Variants in DYRK1A observed in about 807,000 individuals in gnomAD.
DYRK1A encodes dual specificity tyrosine-phosphorylation-regulated kinase 1A.
In DYRK1A, 9 loss-of-function variants were observed where a neutral mutation model predicts 79.7. That is an observed-to-expected ratio of 0.11 (90% CI 0.07 to 0.20). DYRK1A has a LOEUF of 0.20. Ranked by LOEUF, DYRK1A falls within the 10% of genes least tolerant of loss-of-function variation. The pLI, the probability that DYRK1A is intolerant of heterozygous loss-of-function variation, is 1.00. For synonymous variants in DYRK1A, 349 were observed against 329.7 expected, an observed-to-expected ratio of 1.06 and a Z score of -0.63; for missense variants, 622 against 956.0, an observed-to-expected ratio of 0.65 and a Z score of 4.61.
At position 37,515,548 on chromosome 21, in the gene DYRK1A, C is replaced by G. The variant is rs1378356909; in HGVS notation, c.*3017C>G. ...GGAAGGAATACGAATACTCATTCTT[C>G]CTTCCCTAACTCCTCGTACGGGGCC... On this transcript the variant is annotated 3_prime_UTR_variant, in exon 12 of 12. Coordinates refer to ENST00000647188, the MANE Select transcript of DYRK1A (RefSeq NM_001347721.2). 1 of 152,154 alleles carries G rather than the reference C, an allele frequency of 6.6e-6. No individual in the cohort carries two copies. Among genetic ancestry groups the G allele is most frequent in the Non-Finnish European group, 1.5e-5 (1 of 68,022 alleles). 9.4% of individuals were successfully genotyped at this position (152,154 alleles called of 1,614,324 possible). A position where few individuals can be genotyped will look rare whatever the true frequency, so the allele number is the denominator to read the frequency against.
chr21:37,486,772 T>G (rs2052884447), intron 6 of DYRK1A, 158 bp downstream of exon 6: 1 of 642,298 alleles, frequency 1.6e-6, no homozygotes, highest in Admixed American at 4.2e-5. Context: ...AGTGACTTGA[T>G]CTGGTAGTAA....
upstream of DYRK1A, among the ~76,000 whole-genome samples, chr21:37,366,408 G>A (rs1224044719): frequency 2.8e-5 from 4 of 144,826 alleles, no homozygotes; most frequent in East Asian, 8.6e-4. Flanking sequence ...CGGCGCGGGC[G>A]CGGGGCGGGG....
chr21:37,483,671 C>A (rs775427454), intron 5 of DYRK1A, among the ~76,000 whole-genome samples: 2 of 152,072 alleles, frequency 1.3e-5, no homozygotes, highest in Non-Finnish European at 2.9e-5. Context: ...CTGCCTCAAC[C>A]TCCTGGGTTC....
At chr21:37,508,265 G>T (rs1601325362) in intron 11 of DYRK1A, among the ~76,000 whole-genome samples, 2 of 152,268 alleles carry the variant, frequency 1.3e-5, no homozygotes, top group African/African-American at 4.8e-5. Flanking sequence ...CACTAAAGTG[G>T]TCTGTTCTTG....
chr21:37,468,009 T>G (rs889013285), intron 2 of DYRK1A, among the ~76,000 whole-genome samples: 3 of 152,240 alleles, frequency 2.0e-5, no homozygotes, highest in Non-Finnish European at 1.5e-5. Flanking sequence ...ACCACCATTC[T>G]ATAGAGATCA....
intron 1 of DYRK1A, among the ~76,000 whole-genome samples, chr21:37,374,368 G>A (rs1189477487): frequency 6.7e-6 from 1 of 149,290 alleles, no homozygotes; most frequent in Non-Finnish European, 1.5e-5. Context: ...TTGAATTCCT[G>A]TGGATTTGAA....
intron 2 of DYRK1A, among the ~76,000 whole-genome samples, chr21:37,443,117 C>T (rs1428960093): frequency 6.6e-6 from 1 of 152,052 alleles, no homozygotes; most frequent in African/African-American, 2.4e-5. Flanking sequence ...AGCCACTGTC[C>T]GCAACCATAG....
intron 1 of DYRK1A, among the ~76,000 whole-genome samples, chr21:37,389,189 C>CT (rs1242431713): frequency 2.0e-5 from 3 of 151,292 alleles, no homozygotes; most frequent in African/African-American, 7.3e-5. Flanking sequence ...TTACTTTTCT[C>CT]TCTCTCTCTT....
At chr21:37,372,493 T>C (rs964407649) in intron 1 of DYRK1A, among the ~76,000 whole-genome samples, 10 of 151,674 alleles carry the variant, frequency 6.6e-5, no homozygotes, top group Non-Finnish European at 1.5e-4. Context: ...GTCTGTCTGC[T>C]TGCTATCCAG....
At chr21:37,450,856 G>A (rs1479758345) in intron 2 of DYRK1A, among the ~76,000 whole-genome samples, 1 of 152,212 alleles carries the variant, frequency 6.6e-6, no homozygotes, top group East Asian at 1.9e-4. Flanking sequence ...GGCTTTAGCA[G>A]GCAGCATGCT....
intron 2 of DYRK1A, among the ~76,000 whole-genome samples, chr21:37,457,721 A>T (rs867844361): frequency 1.2e-4 from 19 of 152,228 alleles, no homozygotes; most frequent in African/African-American, 4.6e-4. Flanking sequence ...ACTTAACTAG[A>T]CTTAAAAATA....
chr21:37,380,228 C>T (rs572286493), intron 1 of DYRK1A, among the ~76,000 whole-genome samples: 2 of 152,102 alleles, frequency 1.3e-5, no homozygotes, highest in East Asian at 3.9e-4. Context: ...GGTTATTTTC[C>T]CTCGAAAAAA....
At position 37,519,597 on chromosome 21, in the gene DYRK1A, G is replaced by GAGGGCT. The variant is rs1456827436; in HGVS notation, c.*7068_*7073dup. The GAGGGCT allele has an allele frequency of 1.3e-5, 2 of 152,190 alleles. No homozygotes were observed. Among genetic ancestry groups the GAGGGCT allele is most frequent in the Non-Finnish European group, 2.9e-5 (2 of 68,052 alleles). The allele number at this position is 152,190 out of a possible 1,614,324, so 9.4% of individuals were successfully genotyped here. A position where few individuals can be genotyped will look rare whatever the true frequency, so the allele number is the denominator to read the frequency against. ...AATGAGGTGGACAGTGTTCTCCGTGGAGGGCTAAACAGCATTGCTTTCCAG... is the reference window on the plus strand; with the variant it reads ...AATGAGGTGGACAGTGTTCTCCGTGGAGGGCTAGGGCTAAACAGCATTGCTTTCCAG... On this transcript the variant is annotated 3_prime_UTR_variant, in exon 12 of 12. Coordinates refer to ENST00000647188, the MANE Select transcript of DYRK1A (RefSeq NM_001347721.2).
In DYRK1A at chr21:37,389,051, T is replaced by A. The variant is rs546160859; in HGVS notation, c.-77+21423T>A. Among the ~76,000 whole-genome samples, 882 of 150,554 alleles carry A rather than the reference T, an allele frequency of 5.9e-3. 4 individuals carry two copies. The highest frequency in any genetic ancestry group is 0.02 in the Admixed American group (301 of 15,148). On this transcript the variant is annotated intron_variant, in intron 1 of 11. Transcript: ENST00000647188. ...AAGCTTTTAAATTAAAAAAAAAAAT[T>A]TTTTTTTTAAGAGATGGAGTCTTAT...
chr21:37,499,697 G>T (rs914001621), intron 9 of DYRK1A, among the ~76,000 whole-genome samples: 3 of 152,014 alleles, frequency 2.0e-5, no homozygotes, highest in Non-Finnish European at 4.4e-5. Context: ...CATTTAAAAT[G>T]TATAATTTCA....
chr21:37,389,714 T>C (rs2049833412), intron 1 of DYRK1A, among the ~76,000 whole-genome samples: 1 of 151,202 alleles, frequency 6.6e-6, no homozygotes, highest in Admixed American at 6.6e-5. Context: ...GGGTGAGGCT[T>C]GTTCGCTGGA....
rs1321463135 is a variant in DYRK1A at position 37,512,786 on chromosome 21, A to G, written c.*255A>G. On this transcript the variant is annotated 3_prime_UTR_variant, in exon 12 of 12. Coordinates refer to ENST00000647188, the MANE Select transcript of DYRK1A (RefSeq NM_001347721.2). The stretch of plus-strand genomic sequence containing the variant: ...TTTTGCTCCCCCATTTTAACTTGCC[A>G]CATCCCAGTCACAGTGGGGTTTTTT... The G allele has an allele frequency of 2.2e-6, 1 of 459,000 alleles. No individual in the cohort carries two copies. The highest frequency in any genetic ancestry group is 1.9e-5 in the African/African-American group (1 of 51,460). 28.4% of individuals were successfully genotyped at this position (459,000 alleles called of 1,614,324 possible).
intron 2 of DYRK1A, among the ~76,000 whole-genome samples, chr21:37,453,613 C>G (rs2051532874): frequency 6.6e-6 from 1 of 151,834 alleles, no homozygotes; most frequent in Non-Finnish European, 1.5e-5. Flanking sequence ...AGGAGAGATG[C>G]CTTGCTAGTT....
intron 2 of DYRK1A, among the ~76,000 whole-genome samples, chr21:37,467,698 T>C (rs1212728444): frequency 6.6e-6 from 1 of 152,178 alleles, no homozygotes. Context: ...GAAGGAAACT[T>C]TGTTAATCTG....
Sources: allele counts gnomAD v4.1 joint callset (sites outside exome capture counted in the v4.1 genomes callset), GRCh38; gene constraint gnomAD v4.1.1; transcripts MANE v1.5; gene names NCBI Gene and HGNC (gene_info 2026-07-23, HGNC 2026-07-21).